The following SYNE1 variants were observed in gnomAD, a reference collection of about 807,000 sequenced individuals.
The protein encoded by SYNE1 is nesprin-1.
In SYNE1, 616 loss-of-function variants were observed where a neutral mutation model predicts 1,111.0. That is an observed-to-expected ratio of 0.55 (90% CI 0.52 to 0.59). The LOEUF (loss-of-function observed/expected upper bound fraction) is 0.59. Ranked by LOEUF, SYNE1 falls within the 20% of genes least tolerant of loss-of-function variation. The pLI, the probability that SYNE1 is intolerant of heterozygous loss-of-function variation, is 0.00. For missense variants in SYNE1, 10,006 were observed against 10,417.0 expected, an observed-to-expected ratio of 0.96 and a Z score of 1.72; for synonymous variants, 3,855 against 3,825.8, an observed-to-expected ratio of 1.01 and a Z score of -0.28.
intron 14 of SYNE1, among the ~76,000 whole-genome samples, chr6:152,482,538 C>A (rs1005816672): frequency 2.6e-5 from 4 of 152,122 alleles, no homozygotes; most frequent in African/African-American, 9.7e-5. Context: ...CCTGTAATAT[C>A]ACAAAACACA....
intron 17 of SYNE1, 109 bp from the exon 18 acceptor site, chr6:152,465,569 C>T: frequency 1.0e-6 from 1 of 987,488 alleles, no homozygotes; most frequent in Non-Finnish European, 1.5e-6. Flanking sequence ...TCACAAATGC[C>T]AGAGTTCATT....
At chr6:152,239,315 T>A (rs2084978010) in intron 108 of SYNE1, among the ~76,000 whole-genome samples, 1 of 152,160 alleles carries the variant, frequency 6.6e-6, no homozygotes, top group African/African-American at 2.4e-5. Flanking sequence ...GTATCTATCT[T>A]ACTTTCGACA....
At chr6:152,565,755 C>A (rs992635164) in intron 3 of SYNE1, among the ~76,000 whole-genome samples, 2 of 151,638 alleles carry the variant, frequency 1.3e-5, no homozygotes, top group Admixed American at 1.3e-4. Flanking sequence ...AGTTGTTTTA[C>A]AAATAGGATT....
Position 152,239,614 on chromosome 6 carries a change from G to A in SYNE1, c.19986C>T (p.Phe6662=). The part of the protein sequence containing the change: ...ISFAVQKETQ[F]HTELMAQASA... ...AAGCCTGAGCCATCAGCTCTGTATG[G>A]AACTGGGTTTCCTTTTGGACTGCAA... Residue 6662 remains phenylalanine (F), a synonymous_variant, in exon 108 of 146, where the codon TTC becomes TTT. Coordinates refer to ENST00000367255, the MANE Select transcript of SYNE1 (RefSeq NM_182961.4). 5.0e-6 allele frequency: 8 copies of A among 1,614,186 alleles called. No individual in the cohort carries two copies. The highest frequency in any genetic ancestry group is 5.9e-6 in the Non-Finnish European group (7 of 1,180,032).
At chr6:152,612,107 A>G (rs1172500414) in intron 3 of SYNE1, among the ~76,000 whole-genome samples, 1 of 151,408 alleles carries the variant, frequency 6.6e-6, no homozygotes, top group African/African-American at 2.4e-5. Context: ...AAGAGCAAAT[A>G]AATTCAAAAG....
At chr6:152,278,572 C>T (rs1001743066) in intron 97 of SYNE1, among the ~76,000 whole-genome samples, 1 of 152,078 alleles carries the variant, frequency 6.6e-6, no homozygotes, top group Non-Finnish European at 1.5e-5. Context: ...ACGCCATTCT[C>T]CTGCCTCAGC....
intron 116 of SYNE1, among the ~76,000 whole-genome samples, 168 bp downstream of exon 116, chr6:152,225,553 A>G (rs1257172676): frequency 2.6e-5 from 4 of 151,904 alleles, no homozygotes; most frequent in Non-Finnish European, 5.9e-5. Context: ...AACACCAGAA[A>G]CTAGACTTTA....
intron 37 of SYNE1, 98 bp from the exon 38 acceptor site, chr6:152,427,914 A>T: frequency 6.5e-7 from 1 of 1,534,428 alleles, no homozygotes; most frequent in Non-Finnish European, 8.9e-7. Context: ...AACCATAGTA[A>T]ATACAGCCTC....
chr6:152,603,856 T>TAGATAGATAG (rs1459232569), intron 3 of SYNE1, among the ~76,000 whole-genome samples: 3 of 130,948 alleles, frequency 2.3e-5, no homozygotes, highest in South Asian at 2.4e-4. Flanking sequence ...CATATATGTA[T>TAGATAGATAG]ATATAGATAG....
chr6:152,460,724 A>G (rs1401548163), intron 21 of SYNE1, among the ~76,000 whole-genome samples: 1 of 151,766 alleles, frequency 6.6e-6, no homozygotes, highest in Non-Finnish European at 1.5e-5. Context: ...ATCACTGAAT[A>G]GACTAGAAAA....
Position 152,233,760 on chromosome 6 carries a change from C to T in SYNE1, c.20712+21G>A, listed in dbSNP as rs201165326. 1,668 of 1,614,034 alleles carry T rather than the reference C, an allele frequency of 1.0e-3. 20 individuals are homozygous for T. The South Asian group carries it at 0.016, about 15-fold the overall frequency. ...AATAGCTTAAGTCAGCTATTTCCCA[C>T]GAAAGCAATCCTTTCTGTACCTGGT... On this transcript the variant is annotated intron_variant, in intron 112 of 145. Coordinates refer to ENST00000367255, the MANE Select transcript of SYNE1 (RefSeq NM_182961.4).
chr6:152,318,787 C>T (rs2095799632), intron 85 of SYNE1, 76 bp downstream of exon 85: 1 of 1,570,572 alleles, frequency 6.4e-7, no homozygotes, highest in South Asian at 1.1e-5. Context: ...GGTTTTTATC[C>T]TATATCCCCA....
At chr6:152,214,193 CAAAAAA>C (rs200066196) in intron 122 of SYNE1, among the ~76,000 whole-genome samples, 1 of 59,916 alleles carries the variant, frequency 1.7e-5, no homozygotes, top group African/African-American at 5.6e-5. Flanking sequence ...AACTCCGTCT[CAAAAAA>C]AAAAAAAAAA....
At chr6:152,245,167 TC>T (rs2086807960) in intron 105 of SYNE1, among the ~76,000 whole-genome samples, 1 of 152,152 alleles carries the variant, frequency 6.6e-6, no homozygotes, top group Non-Finnish European at 1.5e-5. Flanking sequence ...CAACAAGTAT[TC>T]AAGTGGCTGC....
chr6:152,452,859 G>A (rs572283120), intron 25 of SYNE1, among the ~76,000 whole-genome samples: 14 of 152,228 alleles, frequency 9.2e-5, no homozygotes, highest in Middle Eastern at 6.8e-3. Flanking sequence ...CCCGTGTCCC[G>A]CTTCACGCTC....
At chr6:152,578,640 T>C (rs993547769) in intron 3 of SYNE1, among the ~76,000 whole-genome samples, 2 of 152,104 alleles carry the variant, frequency 1.3e-5, no homozygotes, top group Admixed American at 6.6e-5. Context: ...CCCTTCATAT[T>C]CTTTAATTCC....
intron 3 of SYNE1, among the ~76,000 whole-genome samples, chr6:152,592,832 T>A (rs886778212): frequency 1.3e-5 from 2 of 152,192 alleles, no homozygotes; most frequent in South Asian, 2.1e-4. Flanking sequence ...TCACACCTTA[T>A]ATAATCATCT....
chr6:152,269,312 G>A, intron 98 of SYNE1, 26 bp from the exon 99 acceptor site: 1 of 1,613,824 alleles, frequency 6.2e-7, no homozygotes, highest in Non-Finnish European at 8.5e-7. Flanking sequence ...CAGAAATCAA[G>A]TCATGCTACA....
chr6:152,479,916 C>T (rs1194167937), intron 14 of SYNE1, among the ~76,000 whole-genome samples: 1 of 152,096 alleles, frequency 6.6e-6, no homozygotes, highest in East Asian at 1.9e-4. Context: ...AACTTGCAAA[C>T]GTTGCCTATG....
Sources: gnomAD v4.1 joint callset for allele counts (sites outside exome capture counted in the v4.1 genomes callset) on GRCh38, gnomAD v4.1.1 for gene constraint, MANE v1.5 for transcripts, NCBI Gene and HGNC (gene_info 2026-07-23, HGNC 2026-07-21) for gene names.